The following MTHFSD variants were observed in gnomAD, a reference collection of about 807,000 sequenced individuals.
The protein encoded by MTHFSD is methenyltetrahydrofolate synthase domain-containing protein.
In MTHFSD, 37 loss-of-function variants were observed where a neutral mutation model predicts 31.1. The observed-to-expected ratio is 1.19, with a 90% CI of 0.91 to 1.56. MTHFSD has a LOEUF of 1.56. MTHFSD is among the 40% of genes most tolerant of loss of function. MTHFSD has a pLI of 0.00. For missense variants in MTHFSD, 664 were observed against 510.1 expected, an observed-to-expected ratio of 1.30 and a Z score of -2.91; for synonymous variants, 221 against 206.9, an observed-to-expected ratio of 1.07 and a Z score of -0.59.
At chr16:86,540,682 CA>C in intron 7 of MTHFSD, 1 of 987,514 alleles carries the variant, frequency 1.0e-6, no homozygotes. Context: ...AGCTGTGGAC[CA>C]GAGTTCCCAA....
At position 86,531,934 on chromosome 16, in the gene MTHFSD, C is replaced by G. The variant is rs1259544406; in HGVS notation, c.*77G>C. On this transcript the variant is annotated 3_prime_UTR_variant, in exon 8 of 8. Coordinates refer to ENST00000360900, the MANE Select transcript of MTHFSD (RefSeq NM_001159377.2). The surrounding 1 kb of genome is among the most constrained non-coding windows in gnomAD (Gnocchi z 5.5). ...CCGACACGTCTTGCCACGCAGGCCT[C>G]TCGAGTGCCATCGGAACCGGAGCGG... is the stretch of plus-strand genomic sequence containing the variant. The G allele has an allele frequency of 1.9e-6, 2 of 1,072,388 alleles. No individual in the cohort carries two copies. Among genetic ancestry groups the G allele is most frequent in the Non-Finnish European group, 2.5e-6 (2 of 794,104 alleles). 66.4% of individuals were successfully genotyped at this position (1,072,388 alleles called of 1,614,324 possible).
chr16:86,531,964 G>C lies in MTHFSD; in HGVS notation c.*47C>G. The C allele has an allele frequency of 7.7e-7, 1 of 1,301,000 alleles. No individual in the cohort carries two copies. Among genetic ancestry groups the C allele is most frequent in the Non-Finnish European group, 1.0e-6 (1 of 995,592 alleles). The allele number at this position is 1,301,000 out of a possible 1,614,324, so 80.6% of individuals were successfully genotyped here. ...GTGCCATCGGAACCGGAGCGGCAGG[G>C]GACGGGGATGGCGAGTCTGCAGTGA... On this transcript the variant is annotated 3_prime_UTR_variant, in exon 8 of 8. Transcript: ENST00000360900. This position sits in a 1 kb window ranked among gnomAD's most constrained non-coding sequence, Gnocchi z 5.5.
intron 5 of MTHFSD, among the ~76,000 whole-genome samples, chr16:86,544,898 C>T (rs966483470): frequency 6.6e-6 from 1 of 152,200 alleles, no homozygotes; most frequent in South Asian, 2.1e-4. Flanking sequence ...GAGAGCATGT[C>T]CTTTGCAGGG....
At chr16:86,539,742 C>T (rs753470177) in intron 7 of MTHFSD, among the ~76,000 whole-genome samples, 3 of 152,104 alleles carry the variant, frequency 2.0e-5, no homozygotes, top group South Asian at 2.1e-4. Context: ...CAGGGCAGGA[C>T]GTCAACTACT....
intron 3 of MTHFSD, among the ~76,000 whole-genome samples, chr16:86,549,921 C>T (rs112536448): frequency 4.6e-5 from 7 of 152,332 alleles, no homozygotes; most frequent in African/African-American, 1.4e-4. Context: ...GCGGACTGTC[C>T]GGTCAGACAC....
Position 86,555,175 on chromosome 16 carries a change from T to G in MTHFSD, c.10A>C (p.Arg4=). 5 of 1,536,366 alleles carry G rather than the reference T, an allele frequency of 3.3e-6. No individual in the cohort carries two copies. Among genetic ancestry groups the G allele is most frequent in the Non-Finnish European group, 4.4e-6 (5 of 1,146,316 alleles). Residue 4 remains arginine, a synonymous_variant, in exon 1 of 8, where the codon AGG becomes CGG. Transcript: ENST00000360900. ...GCCCCGCCAGGCCCCCCACCTGCCC[T>G]CGGCTCCATGGTGATGCAGTCGCTG... is the stretch of plus-strand genomic sequence containing the variant. MEP[R]AVGVSKQDIR...
intron 7 of MTHFSD, among the ~76,000 whole-genome samples, chr16:86,536,077 A>G (rs1970649822): frequency 6.6e-6 from 1 of 151,950 alleles, no homozygotes; most frequent in Admixed American, 6.6e-5. Flanking sequence ...CTGGTCTTGA[A>G]CTCCTGGGCT....
chr16:86,554,340 GT>G, intron 2 of MTHFSD, among the ~76,000 whole-genome samples: 1 of 152,170 alleles, frequency 6.6e-6, no homozygotes, highest in Non-Finnish European at 1.5e-5. Flanking sequence ...TTTAAAAACT[GT>G]AACACTCACT....
chr16:86,541,626 C>T (rs1164812530), intron 7 of MTHFSD, 71 bp downstream of exon 7: 2 of 1,560,246 alleles, frequency 1.3e-6, no homozygotes, highest in Admixed American at 3.9e-5. Flanking sequence ...GCTCCCATGC[C>T]AGACAGAAAA....
chr16:86,543,726 G>T (rs751484005), intron 5 of MTHFSD, among the ~76,000 whole-genome samples: 66 of 152,114 alleles, frequency 4.3e-4, no homozygotes, highest in Non-Finnish European at 7.4e-4. Context: ...ATAAGACAGG[G>T]GTTCCCAACT....
chr16:86,534,240 GA>G (rs1464707111), intron 7 of MTHFSD, among the ~76,000 whole-genome samples: 4 of 152,202 alleles, frequency 2.6e-5, no homozygotes, highest in Admixed American at 2.0e-4. Context: ...CTTCTCAACT[GA>G]TTCACTGTGA....
At chr16:86,548,126 G>A (rs753900052) in intron 4 of MTHFSD, 51 of 1,297,838 alleles carry the variant, frequency 3.9e-5, no homozygotes, top group East Asian at 1.6e-4. Context: ...TGAACAGGCC[G>A]GGAATAAGAA....
rs1203340752 is a variant in MTHFSD, at chr16:86,542,281, C to G, written c.443-68G>C. On this transcript the variant is annotated intron_variant, in intron 5 of 7. Coordinates refer to ENST00000360900, the MANE Select transcript of MTHFSD (RefSeq NM_001159377.2). The surrounding 1 kb of genome is among the most constrained non-coding windows in gnomAD (Gnocchi z 4.6). The stretch of plus-strand genomic sequence containing the variant: ...CATCGCTGAGAAGTGGATTTTCCAT[C>G]AGGTCCAGTGGAAGAAGAAACTTGA... 2 of 1,339,316 alleles carry G rather than the reference C, an allele frequency of 1.5e-6. No homozygotes were observed. The highest frequency in any genetic ancestry group is 1.0e-6 in the Non-Finnish European group (1 of 954,680). 83.0% of individuals were successfully genotyped at this position (1,339,316 alleles called of 1,614,324 possible).
At chr16:86,547,159 A>G in intron 4 of MTHFSD, 1 of 985,696 alleles carries the variant, frequency 1.0e-6, no homozygotes, top group Non-Finnish European at 1.2e-6. Context: ...TGTATGACAT[A>G]TTTATTCAAT....
Position 86,531,927 on chromosome 16 carries a change from C to T in MTHFSD, c.*84G>A, listed in dbSNP as rs1057058819. ...GGTGGCTCCGACACGTCTTGCCACG[C>T]AGGCCTCTCGAGTGCCATCGGAACC... On this transcript the variant is annotated 3_prime_UTR_variant, in exon 8 of 8. Coordinates refer to ENST00000360900, the MANE Select transcript of MTHFSD (RefSeq NM_001159377.2). This position sits in a 1 kb window ranked among gnomAD's most constrained non-coding sequence, Gnocchi z 5.5. The T allele has an allele frequency of 1.0e-6, 1 of 960,354 alleles. No homozygotes were observed. The highest frequency in any genetic ancestry group is 1.4e-6 in the Non-Finnish European group (1 of 696,880). The allele number at this position is 960,354 out of a possible 1,614,324, so 59.5% of individuals were successfully genotyped here.
intron 2 of MTHFSD, among the ~76,000 whole-genome samples, chr16:86,552,577 T>C (rs550961342): frequency 1.3e-5 from 2 of 152,280 alleles, no homozygotes; most frequent in South Asian, 4.1e-4. Context: ...ACCACCAAAA[T>C]CAAGCAGTAG....
chr16:86,553,515 C>G (rs1435020103), intron 2 of MTHFSD: 2 of 152,678 alleles, frequency 1.3e-5, no homozygotes, highest in Admixed American at 6.5e-5. Context: ...CCCGCACTCA[C>G]AGCGGCTGGC....
Position 86,532,154 on chromosome 16 carries a change from T to C in MTHFSD, c.1009A>G (p.Thr337Ala). ...GCTCTGCGCCGCGGGCCCTGCCAGG[T>C]GAGCCGCAGGGGCACGGAGCCGAGT... ...RELGSVPLRLTWQGPRRRAFL... is the reference protein window; with the variant it reads ...RELGSVPLRLAWQGPRRRAFL... The change falls in exon 8 of 8, where the codon ACC becomes GCC. Residue 337 changes from threonine to alanine, a missense_variant. Thr to Ala is a moderately conservative substitution (Grantham distance 58, BLOSUM62 0). Transcript: ENST00000360900. The C allele has an allele frequency of 6.4e-7, 1 of 1,566,024 alleles. No homozygotes were observed. Among genetic ancestry groups the C allele is most frequent in the South Asian group, 1.2e-5 (1 of 84,778 alleles).
At chr16:86,537,897 C>T (rs1379745053) in intron 7 of MTHFSD, among the ~76,000 whole-genome samples, 1 of 152,178 alleles carries the variant, frequency 6.6e-6, no homozygotes, top group Non-Finnish European at 1.5e-5. Context: ...ATGAGTTGAC[C>T]CAGGAAAGTC....
Sources: gnomAD v4.1 joint callset for allele counts (sites outside exome capture counted in the v4.1 genomes callset) on GRCh38, gnomAD v4.1.1 for gene constraint, Gnocchi (gnomAD v3.1) non-coding constraint, MANE v1.5 for transcripts, NCBI Gene and HGNC (gene_info 2026-07-23, HGNC 2026-07-21) for gene names.